Variants in NXPE2 observed in about 807,000 individuals in gnomAD.
NXPE2 encodes NXPE family member 2.
In NXPE2, 34 loss-of-function variants were observed where a neutral mutation model predicts 34.4. The ratio of observed to expected loss-of-function variants is 0.99; its 90% confidence interval spans 0.75 to 1.31. The LOEUF (loss-of-function observed/expected upper bound fraction) is 1.31, where lower values mean the gene tolerates loss of function less well. NXPE2 is among the 40% of genes most tolerant of loss of function. The pLI is 0.00. For synonymous variants in NXPE2, 235 were observed against 231.3 expected (o/e 1.02, Z -0.15); for missense variants, 649 against 672.5 (o/e 0.97, Z 0.39).
At chr11:114,743,380 T>C in the NXPE2 span, among the ~76,000 whole-genome samples, 1 of 152,152 alleles carries the variant, frequency 6.6e-6, no homozygotes, top group Non-Finnish European at 1.5e-5. Flanking sequence ...ATGGAAATTA[T>C]GATAGTACTT....
At chr11:114,638,571 C>T in the NXPE2 span, among the ~76,000 whole-genome samples, 2 of 151,818 alleles carry the variant, frequency 1.3e-5, 1 homozygote, top group Non-Finnish European at 2.9e-5. Flanking sequence ...TTTTTCTGCT[C>T]TGTTTTTTCC....
chr11:114,676,552 C>A (rs1565378047), upstream of NXPE2, among the ~76,000 whole-genome samples: 1 of 151,814 alleles, frequency 6.6e-6, no homozygotes, highest in Non-Finnish European at 1.5e-5. Context: ...ATTAAAACTA[C>A]AATGAGAGAT....
chr11:114,659,803 G>T, the NXPE2 span, among the ~76,000 whole-genome samples: 1 of 151,556 alleles, frequency 6.6e-6, no homozygotes, highest in South Asian at 2.1e-4. Flanking sequence ...AGTAAGCAGA[G>T]GAAAACAATA....
chr11:114,513,061 G>T, the NXPE2 span: 1 of 472,748 alleles, frequency 2.1e-6, no homozygotes, highest in South Asian at 1.8e-5. Flanking sequence ...AAGTGAATCT[G>T]ACCAGTTAGG....
chr11:114,531,133 AT>A, the NXPE2 span, among the ~76,000 whole-genome samples: 2 of 151,762 alleles, frequency 1.3e-5, no homozygotes, highest in South Asian at 4.1e-4. Flanking sequence ...ATTATTATCA[AT>A]ATTATTTAAA....
intron 1 of NXPE2, 112 bp from the exon 2 acceptor site, chr11:114,679,544 AC>A: frequency 3.4e-6 from 2 of 583,486 alleles, no homozygotes; most frequent in Admixed American, 3.1e-5. Context: ...CTTTTGGAAA[AC>A]CCAGGATAAC....
chr11:114,810,821 A>G, the NXPE2 span, among the ~76,000 whole-genome samples: 1 of 152,188 alleles, frequency 6.6e-6, no homozygotes, highest in African/African-American at 2.4e-5. Context: ...CATTTGACCC[A>G]GCCATCCCAT....
At chr11:114,777,940 A>G in the NXPE2 span, among the ~76,000 whole-genome samples, 1 of 152,236 alleles carries the variant, frequency 6.6e-6, no homozygotes, top group East Asian at 1.9e-4. Context: ...CTGTGACAAA[A>G]CAGACATGGT....
the NXPE2 span, among the ~76,000 whole-genome samples, chr11:114,510,818 A>G: frequency 6.6e-6 from 1 of 152,234 alleles, no homozygotes; most frequent in African/African-American, 2.4e-5. Context: ...AATACACAGA[A>G]AACCAAGCAA....
At chr11:114,666,142 A>G in the NXPE2 span, among the ~76,000 whole-genome samples, 1 of 152,008 alleles carries the variant, frequency 6.6e-6, no homozygotes, top group African/African-American at 2.4e-5. Flanking sequence ...CATCCTTTCC[A>G]CTGACCTTCT....
At chr11:114,553,101 A>C in the NXPE2 span, among the ~76,000 whole-genome samples, 3 of 152,096 alleles carry the variant, frequency 2.0e-5, no homozygotes, top group Admixed American at 2.0e-4. Flanking sequence ...AAACTTAGAA[A>C]ATTCCTATTC....
the NXPE2 span, among the ~76,000 whole-genome samples, chr11:114,601,531 T>TAC: frequency 1.8e-5 from 2 of 111,444 alleles, no homozygotes; most frequent in Non-Finnish European, 3.4e-5. Context: ...ATTATAATTA[T>TAC]ATATAATATA....
the NXPE2 span, among the ~76,000 whole-genome samples, chr11:114,602,077 A>C: frequency 1.0e-5 from 1 of 97,148 alleles, no homozygotes; most frequent in African/African-American, 4.3e-5. Context: ...TATATATTCT[A>C]TATTTTATTA....
the NXPE2 span, among the ~76,000 whole-genome samples, chr11:114,598,546 T>C: frequency 6.6e-6 from 1 of 152,220 alleles, no homozygotes; most frequent in African/African-American, 2.4e-5. Context: ...GAAATCTAAG[T>C]AGAGTCTCTC....
At chr11:114,806,168 G>A in the NXPE2 span, among the ~76,000 whole-genome samples, 1 of 152,130 alleles carries the variant, frequency 6.6e-6, no homozygotes, top group African/African-American at 2.4e-5. Context: ...CAAACAGAAA[G>A]GACGTCCACA....
the NXPE2 span, among the ~76,000 whole-genome samples, chr11:114,787,822 A>T: frequency 6.6e-6 from 1 of 152,110 alleles, no homozygotes; most frequent in Non-Finnish European, 1.5e-5. Context: ...AACTCTGCCC[A>T]TCCCTCTGCC....
At chr11:114,663,593 CT>C in the NXPE2 span, among the ~76,000 whole-genome samples, 6 of 96,094 alleles carry the variant, frequency 6.2e-5, no homozygotes, top group East Asian at 2.3e-3. Flanking sequence ...TATCATCTAT[CT>C]ATCTATCTAT....
the NXPE2 span, among the ~76,000 whole-genome samples, chr11:114,609,766 A>G: frequency 6.6e-6 from 1 of 150,462 alleles, no homozygotes; most frequent in African/African-American, 2.4e-5. Flanking sequence ...GACAATAAGT[A>G]TTGCCTCGCG....
At chr11:114,747,357 T>C in the NXPE2 span, among the ~76,000 whole-genome samples, 2 of 152,140 alleles carry the variant, frequency 1.3e-5, no homozygotes, top group African/African-American at 4.8e-5. Flanking sequence ...GGGAAACAGA[T>C]ATTGGAGAAG....
Sources: allele counts gnomAD v4.1 joint callset (sites outside exome capture counted in the v4.1 genomes callset), GRCh38; gene constraint gnomAD v4.1.1; transcripts MANE v1.5; gene names NCBI Gene and HGNC (gene_info 2026-07-23, HGNC 2026-07-21).